The following RNGTT variants were observed in gnomAD, a reference collection of about 807,000 sequenced individuals.
The protein encoded by RNGTT is RNA guanylyltransferase and 5'-phosphatase.
A neutral mutation model predicts 79.3 loss-of-function variants in RNGTT; 33 were observed. The ratio of observed to expected loss-of-function variants is 0.42; its 90% CI spans 0.32 to 0.56. The LOEUF (loss-of-function observed/expected upper bound fraction) is 0.56, where lower values mean the gene tolerates loss of function less well. Ranked by LOEUF, RNGTT falls within the 20% of genes least tolerant of loss-of-function variation. The pLI is 0.17. For missense variants in RNGTT, 497 were observed against 739.1 expected (o/e 0.67, Z 3.80); for synonymous variants, 222 against 235.9 (o/e 0.94, Z 0.54).
intron 11 of RNGTT, among the ~76,000 whole-genome samples, chr6:88,810,120 C>T (rs1780090254): frequency 6.6e-6 from 1 of 152,100 alleles, no homozygotes; most frequent in Admixed American, 6.5e-5. Context: ...AAATCAACGA[C>T]CTCAACTTCC....
intron 11 of RNGTT, among the ~76,000 whole-genome samples, chr6:88,810,352 C>T (rs529801535): frequency 6.6e-6 from 1 of 152,232 alleles, no homozygotes; most frequent in African/African-American, 2.4e-5. Flanking sequence ...GCAGTATGTC[C>T]AAATTTAGCA....
chr6:88,901,483 A>G (rs1783456499), intron 6 of RNGTT, among the ~76,000 whole-genome samples: 1 of 140,110 alleles, frequency 7.1e-6, no homozygotes, highest in Non-Finnish European at 1.6e-5. Flanking sequence ...AATAACTGTC[A>G]AGCACCCTGA....
At chr6:88,702,056 G>T (rs2127802318) in intron 13 of RNGTT, among the ~76,000 whole-genome samples, 2 of 152,144 alleles carry the variant, frequency 1.3e-5, no homozygotes, top group South Asian at 4.1e-4. Flanking sequence ...ATGACTAAAA[G>T]AAATCACAGA....
chr6:88,962,357 C>T (rs1391612077), intron 1 of RNGTT, among the ~76,000 whole-genome samples: 1 of 152,066 alleles, frequency 6.6e-6, no homozygotes, highest in Non-Finnish European at 1.5e-5. Context: ...CCCGGCCAAG[C>T]GGGGTGGCTC....
intron 8 of RNGTT, among the ~76,000 whole-genome samples, chr6:88,884,526 G>A (rs916045630): frequency 1.1e-4 from 16 of 151,950 alleles, no homozygotes; most frequent in African/African-American, 3.9e-4. Context: ...TAAGGGGGTG[G>A]GTAGGAACAG....
At position 88,843,924 on chromosome 6, in the gene RNGTT, G is replaced by GTGTATATATATCTATATATATATC. The variant is rs576470926; in HGVS notation, c.1269+409_1269+432dup. ...AAGAAAACCTTCAATGTATGTGTGT[G>GTGTATATATATCTATATATATATC]TGTATATATATCTATATATATATCT... On this transcript the variant is annotated intron_variant, in intron 11 of 15. Transcript: ENST00000369485. Among the ~76,000 whole-genome samples the GTGTATATATATCTATATATATATC allele has an allele frequency of 4.6e-3, 692 of 149,358 alleles. 15 individuals carry two copies. The highest frequency in any genetic ancestry group is 0.027 in the East Asian group (136 of 5,090).
chr6:88,957,643 C>T (rs927161431), intron 1 of RNGTT, among the ~76,000 whole-genome samples: 32 of 151,868 alleles, frequency 2.1e-4, no homozygotes, highest in Non-Finnish European at 5.9e-5. Context: ...AAAATAATAA[C>T]AATAGAATAC....
At chr6:88,630,874 G>A (rs1772848454) in intron 14 of RNGTT, among the ~76,000 whole-genome samples, 1 of 152,044 alleles carries the variant, frequency 6.6e-6, no homozygotes, top group Non-Finnish European at 1.5e-5. Context: ...TGTTAATAAT[G>A]CCAGGAAATT....
chr6:88,735,892 G>A (rs1164199811), intron 13 of RNGTT, among the ~76,000 whole-genome samples: 1 of 151,866 alleles, frequency 6.6e-6, no homozygotes, highest in East Asian at 1.9e-4. Flanking sequence ...CCAAAGCCTT[G>A]GTTATTTGAA....
At chr6:88,802,938 G>A (rs1461490145) in intron 11 of RNGTT, among the ~76,000 whole-genome samples, 1 of 152,150 alleles carries the variant, frequency 6.6e-6, no homozygotes. Flanking sequence ...TTTTGGATAT[G>A]CTGTGTGTTA....
At chr6:88,699,410 C>T (rs1667599573) in intron 13 of RNGTT, among the ~76,000 whole-genome samples, 2 of 152,162 alleles carry the variant, frequency 1.3e-5, no homozygotes, top group South Asian at 4.1e-4. Flanking sequence ...ATAAATTTTT[C>T]ACGGTGGCTC....
At chr6:88,846,812 T>C (rs1781499980) in intron 10 of RNGTT, among the ~76,000 whole-genome samples, 1 of 151,872 alleles carries the variant, frequency 6.6e-6, no homozygotes, top group African/African-American at 2.4e-5. Context: ...CTGACCTCCA[T>C]GACTCAATCC....
At chr6:88,756,686 C>T (rs1199887802) in intron 13 of RNGTT, among the ~76,000 whole-genome samples, 1 of 152,072 alleles carries the variant, frequency 6.6e-6, no homozygotes, top group Non-Finnish European at 1.5e-5. Flanking sequence ...AAAATAATGA[C>T]TATATTGACT....
At chr6:88,929,547 A>G (rs1222114100) in intron 2 of RNGTT, among the ~76,000 whole-genome samples, 1 of 152,188 alleles carries the variant, frequency 6.6e-6, no homozygotes, top group African/African-American at 2.4e-5. Flanking sequence ...ACAAAAGTCT[A>G]TGCAAAAGAG....
rs540148984 is a variant in RNGTT, at chr6:88,927,391, G to A, written c.367+1594C>T. Among the ~76,000 whole-genome samples, 18 of 152,192 alleles carry A rather than the reference G, an allele frequency of 1.2e-4. No homozygotes were observed. The South Asian group carries it at 1.2e-3, about 11-fold the overall frequency. ...AAAATACAAAAATTAAGCCCGGCAC[G>A]GTGGCTCACACCTGTAATCCCAGCA... On this transcript the variant is annotated intron_variant, in intron 4 of 15. Coordinates refer to ENST00000369485, the MANE Select transcript of RNGTT (RefSeq NM_003800.5).
chr6:88,922,840 A>G (rs1784206745), intron 4 of RNGTT, among the ~76,000 whole-genome samples: 1 of 152,168 alleles, frequency 6.6e-6, no homozygotes, highest in African/African-American at 2.4e-5. Context: ...CAATACCTAC[A>G]AACTGCATTT....
At chr6:88,671,129 A>T (rs899839191) in intron 14 of RNGTT, among the ~76,000 whole-genome samples, 41 of 152,134 alleles carry the variant, frequency 2.7e-4, no homozygotes, top group Admixed American at 2.4e-3. Context: ...GAAATAAATA[A>T]AGGGCATCCA....
intron 13 of RNGTT, among the ~76,000 whole-genome samples, chr6:88,679,945 C>T (rs1319345211): frequency 6.6e-6 from 1 of 152,198 alleles, no homozygotes; most frequent in Non-Finnish European, 1.5e-5. Flanking sequence ...AACGTCACTT[C>T]TCAGAGTCTC....
intron 8 of RNGTT, among the ~76,000 whole-genome samples, chr6:88,859,397 C>T (rs546350135): frequency 4.3e-4 from 66 of 152,150 alleles, no homozygotes; most frequent in African/African-American, 1.5e-3. Context: ...CACTATGACC[C>T]GCAGGACTAG....
Sources: gnomAD v4.1 joint callset for allele counts (sites outside exome capture counted in the v4.1 genomes callset) on GRCh38, gnomAD v4.1.1 for gene constraint, MANE v1.5 for transcripts, NCBI Gene and HGNC (gene_info 2026-07-23, HGNC 2026-07-21) for gene names.